The following CSMD1 variants were observed in gnomAD, a reference collection of about 807,000 sequenced individuals.
CSMD1 encodes CUB and sushi domain-containing protein 1.
CSMD1 carries 213 observed loss-of-function variants against 417.5 expected under a neutral mutation model. The observed-to-expected ratio is 0.51, with a 90% CI of 0.46 to 0.57. The LOEUF (loss-of-function observed/expected upper bound fraction) is 0.57, where lower values mean the gene tolerates loss of function less well. CSMD1 is among the 20% of genes least tolerant of loss of function. The pLI, the probability that CSMD1 is intolerant of heterozygous loss-of-function variation, is 0.00. For missense variants in CSMD1, 6,923 were observed against 4,529.7 expected (o/e 1.53, Z -15.17); for synonymous variants, 2,862 against 1,736.8 (o/e 1.65, Z -16.11).
chr8:3,365,055 G>A (rs999900798), intron 20 of CSMD1, among the ~76,000 whole-genome samples: 2 of 152,152 alleles, frequency 1.3e-5, no homozygotes, highest in African/African-American at 2.4e-5. Context: ...TTCATTTTGG[G>A]TCCTGATGAA....
In CSMD1 at chr8:3,660,655, G is replaced by A. The variant is rs561949813; in HGVS notation, c.1010-43858C>T. On this transcript the variant is annotated intron_variant, in intron 7 of 69. Transcript: ENST00000635120. ...CCTACCTCAGCCTCCTGAGTAGCTG[G>A]GATTACAGGGTCCCTCCACCACACC... 2.1e-4 allele frequency among the ~76,000 whole-genome samples: 32 copies of A among 151,444 alleles called. No homozygotes were observed. In the East Asian group the frequency reaches 6.0e-3, roughly 28 times the overall value.
intron 3 of CSMD1, among the ~76,000 whole-genome samples, chr8:4,068,294 G>A (rs945861503): frequency 1.3e-5 from 2 of 152,134 alleles, no homozygotes; most frequent in East Asian, 1.9e-4. Context: ...TTTGTAGCTG[G>A]AGGACAGTGT....
intron 3 of CSMD1, among the ~76,000 whole-genome samples, chr8:4,329,505 C>G (rs1054351197): frequency 3.6e-4 from 55 of 152,158 alleles, no homozygotes; most frequent in African/African-American, 1.3e-3. Flanking sequence ...CCAGGCCAGT[C>G]TCAAACTCCT....
At chr8:4,252,859 C>T (rs891954132) in intron 3 of CSMD1, among the ~76,000 whole-genome samples, 1 of 152,170 alleles carries the variant, frequency 6.6e-6, no homozygotes, top group African/African-American at 2.4e-5. Context: ...CTTCTTGGGA[C>T]CATGAGTGAA....
chr8:4,839,066 T>C (rs1259789679), intron 1 of CSMD1, among the ~76,000 whole-genome samples: 1 of 152,212 alleles, frequency 6.6e-6, no homozygotes, highest in African/African-American at 2.4e-5. Flanking sequence ...GTCTGCTTTG[T>C]ATTTCTGACC....
chr8:4,922,558 C>T (rs572594370), intron 1 of CSMD1, among the ~76,000 whole-genome samples: 8 of 152,256 alleles, frequency 5.3e-5, no homozygotes, highest in African/African-American at 1.7e-4. Flanking sequence ...TTTAAGTGCA[C>T]ATATTACATT....
At chr8:4,668,567 A>G (rs1225280854) in intron 1 of CSMD1, among the ~76,000 whole-genome samples, 2 of 151,592 alleles carry the variant, frequency 1.3e-5, no homozygotes, top group South Asian at 4.2e-4. Flanking sequence ...CTCCTGCCTC[A>G]GCCTCCAGAG....
At chr8:4,091,356 AT>A (rs1465566866) in intron 3 of CSMD1, among the ~76,000 whole-genome samples, 2 of 152,356 alleles carry the variant, frequency 1.3e-5, no homozygotes, top group Non-Finnish European at 2.9e-5. Context: ...TGAATTTGAA[AT>A]GTCCATGGAA....
intron 1 of CSMD1, among the ~76,000 whole-genome samples, chr8:4,778,621 A>G (rs79866756): frequency 2.6e-4 from 40 of 152,292 alleles, no homozygotes; most frequent in African/African-American, 9.6e-4. Flanking sequence ...TACTTCTACC[A>G]CTATTGACCC....
chr8:3,487,987 A>G (rs527518256), intron 11 of CSMD1, among the ~76,000 whole-genome samples: 38 of 150,044 alleles, frequency 2.5e-4, no homozygotes, highest in Admixed American at 1.5e-3. Flanking sequence ...CAGACACAGA[A>G]GACTAAAAAA....
At chr8:3,810,608 A>G (rs907572613) in intron 5 of CSMD1, among the ~76,000 whole-genome samples, 1 of 152,182 alleles carries the variant, frequency 6.6e-6, no homozygotes, top group African/African-American at 2.4e-5. Context: ...CTCCCTTGTC[A>G]CTGGTGACTC....
At chr8:3,454,731 T>C (rs1488905383) in intron 12 of CSMD1, among the ~76,000 whole-genome samples, 1 of 152,220 alleles carries the variant, frequency 6.6e-6, no homozygotes, top group African/African-American at 2.4e-5. Flanking sequence ...CCTTTCTCTC[T>C]GCCTGCCCTT....
intron 3 of CSMD1, among the ~76,000 whole-genome samples, chr8:4,299,042 G>C (rs888006446): frequency 6.6e-6 from 1 of 152,020 alleles, no homozygotes; most frequent in African/African-American, 2.4e-5. Flanking sequence ...AGAACTGTAG[G>C]AAATAAATAT....
At chr8:4,433,856 T>C (rs1798005016) in intron 2 of CSMD1, among the ~76,000 whole-genome samples, 1 of 152,218 alleles carries the variant, frequency 6.6e-6, no homozygotes, top group East Asian at 1.9e-4. Context: ...GACTGGAATC[T>C]AAAGCACACA....
At chr8:3,434,867 A>C (rs1182425453) in intron 12 of CSMD1, among the ~76,000 whole-genome samples, 1 of 152,242 alleles carries the variant, frequency 6.6e-6, no homozygotes, top group Non-Finnish European at 1.5e-5. Context: ...GGAAAATTAA[A>C]AAAAGTTAAT....
At chr8:3,345,608 G>C (rs570990187) in intron 22 of CSMD1, among the ~76,000 whole-genome samples, 1 of 152,268 alleles carries the variant, frequency 6.6e-6, no homozygotes, top group East Asian at 1.9e-4. Flanking sequence ...TCACCTATAA[G>C]TAGCTAGATT....
At chr8:4,305,252 T>C (rs1585196747) in intron 3 of CSMD1, among the ~76,000 whole-genome samples, 1 of 152,190 alleles carries the variant, frequency 6.6e-6, no homozygotes, top group South Asian at 2.1e-4. Flanking sequence ...CTTAGCTAAA[T>C]CGGCCATTTC....
chr8:4,254,842 C>G (rs1352984107), intron 3 of CSMD1, among the ~76,000 whole-genome samples: 1 of 152,168 alleles, frequency 6.6e-6, no homozygotes, highest in Admixed American at 6.5e-5. Context: ...GCTGTACCAT[C>G]TAGGTGGTCA....
chr8:3,614,656 C>A (rs1802050318), intron 8 of CSMD1, among the ~76,000 whole-genome samples: 1 of 152,148 alleles, frequency 6.6e-6, no homozygotes, highest in Non-Finnish European at 1.5e-5. Context: ...GAATACAGCT[C>A]TGCAAAATTC....
Sources: gnomAD v4.1 joint callset for allele counts (sites outside exome capture counted in the v4.1 genomes callset) on GRCh38, gnomAD v4.1.1 for gene constraint, MANE v1.5 for transcripts, NCBI Gene and HGNC (gene_info 2026-07-23, HGNC 2026-07-21) for gene names.